Variants in ERC1 observed in about 807,000 individuals in gnomAD.
ERC1 encodes the protein ELKS/RAB6-interacting/CAST family member 1, also known as RAB6 interacting protein 2.
In ERC1, 56 loss-of-function variants were observed where a neutral mutation model predicts 132.0. The ratio of observed to expected loss-of-function variants is 0.42; its 90% CI spans 0.34 to 0.53. The LOEUF (loss-of-function observed/expected upper bound fraction) is 0.53. Among genes scored for constraint, ERC1 ranks in the 20% least tolerant of loss-of-function variants. The pLI, the probability that ERC1 is intolerant of heterozygous loss-of-function variation, is 0.03. For missense variants in ERC1, 1,202 were observed against 1,349.9 expected, an observed-to-expected ratio of 0.89 and a Z score of 1.72; for synonymous variants, 478 against 476.1, an observed-to-expected ratio of 1.00 and a Z score of -0.05.
intron 15 of ERC1, among the ~76,000 whole-genome samples, chr12:1,305,080 T>C (rs1279810578): frequency 6.6e-6 from 1 of 152,108 alleles, no homozygotes; most frequent in East Asian, 1.9e-4. Flanking sequence ...GCTCCCGGCC[T>C]GTTTGTTGTA....
chr12:1,414,174 A>G (rs2091992102), intron 17 of ERC1, among the ~76,000 whole-genome samples: 1 of 152,220 alleles, frequency 6.6e-6, no homozygotes, highest in Non-Finnish European at 1.5e-5. Context: ...GGCCACGGAC[A>G]GGTGCTGGTT....
At chr12:1,371,803 G>A in intron 15 of ERC1, 30 bp from the exon 16 acceptor site, 2 of 1,606,852 alleles carry the variant, frequency 1.2e-6, no homozygotes, top group Non-Finnish European at 1.7e-6. Context: ...AGGGGTGAAT[G>A]GCGCTGTTGG....
At chr12:1,414,831 T>A (rs928281390) in intron 17 of ERC1, among the ~76,000 whole-genome samples, 2 of 152,126 alleles carry the variant, frequency 1.3e-5, no homozygotes, top group Non-Finnish European at 1.5e-5. Context: ...TAGTAGGTCC[T>A]CAGTAAATAT....
chr12:1,345,445 A>G (rs2084363722), intron 15 of ERC1, among the ~76,000 whole-genome samples: 1 of 152,098 alleles, frequency 6.6e-6, no homozygotes, highest in Admixed American at 6.5e-5. Context: ...GGCCTCCCAA[A>G]GTGCTGGGAT....
intron 17 of ERC1, among the ~76,000 whole-genome samples, chr12:1,439,547 A>G (rs530789166): frequency 6.6e-6 from 1 of 152,348 alleles, no homozygotes; most frequent in African/African-American, 2.4e-5. Flanking sequence ...AATTTTGTAA[A>G]TGTAGCATTG....
chr12:1,479,886 T>C (rs2094052638), intron 18 of ERC1, among the ~76,000 whole-genome samples: 1 of 152,126 alleles, frequency 6.6e-6, no homozygotes, highest in Non-Finnish European at 1.5e-5. Context: ...TCGTGAGCCG[T>C]GCCCTTTGCA....
intron 12 of ERC1, among the ~76,000 whole-genome samples, chr12:1,228,004 T>C (rs1440076991): frequency 6.6e-6 from 1 of 152,208 alleles, no homozygotes; most frequent in Non-Finnish European, 1.5e-5. Context: ...TCTGTTCCAT[T>C]GGTATAGATG....
Position 1,139,881 on chromosome 12 carries a change from A to C in ERC1, c.1570-1739A>C, listed in dbSNP as rs140256378. On this transcript the variant is annotated intron_variant, in intron 7 of 18. Transcript: ENST00000360905. ...GTAGGTGTAGGAGGAAGAAAAGAAC[A>C]GTATTTGTGATTCAGAAAAAAAAAT... 4.8e-3 allele frequency among the ~76,000 whole-genome samples: 736 copies of C among 152,278 alleles called. 2 individuals are homozygous for C. Among genetic ancestry groups the C allele is most frequent in the Middle Eastern group, 6.8e-3 (2 of 294 alleles).
Position 1,190,003 on chromosome 12 carries a change from G to A in ERC1, c.2302G>A (p.Val768Met), listed in dbSNP as rs998691557. The change falls in exon 12 of 19, where the codon GTG becomes ATG. Residue 768 changes from valine to methionine, a missense_variant. By Grantham distance (21) the Val-to-Met change is conservative. Coordinates refer to ENST00000360905, the MANE Select transcript of ERC1 (RefSeq NM_178040.4). ...TCGACTCTTAGAAATCTTGAAGGAGGTGGAAAATGAGAAGAATGACAAAGA... is the reference window on the plus strand; with the variant it reads ...TCGACTCTTAGAAATCTTGAAGGAGATGGAAAATGAGAAGAATGACAAAGA... The part of the protein sequence containing the change: ...VDRLLEILKE[V>M]ENEKNDKDKK... The A allele has an allele frequency of 1.9e-6, 3 of 1,614,050 alleles. No homozygotes were observed. Among genetic ancestry groups the A allele is most frequent in the Admixed American group, 3.3e-5 (2 of 59,996 alleles).
intron 8 of ERC1, among the ~76,000 whole-genome samples, chr12:1,178,022 C>A (rs1015876910): frequency 6.6e-6 from 1 of 152,190 alleles, no homozygotes; most frequent in Non-Finnish European, 1.5e-5. Flanking sequence ...TCAGTTCTTA[C>A]AATAGGCTTT....
chr12:1,337,513 T>A (rs983051120), intron 15 of ERC1, among the ~76,000 whole-genome samples: 1 of 152,160 alleles, frequency 6.6e-6, no homozygotes, highest in African/African-American at 2.4e-5. Flanking sequence ...TTGGTGCCTT[T>A]TAATAGGGGT....
intron 17 of ERC1, among the ~76,000 whole-genome samples, chr12:1,442,593 G>A (rs2093188082): frequency 6.6e-6 from 1 of 152,090 alleles, no homozygotes; most frequent in Non-Finnish European, 1.5e-5. Flanking sequence ...TACTGTATAG[G>A]CCTAAACTGA....
chr12:1,481,046 T>C, intron 18 of ERC1: 1 of 580,720 alleles, frequency 1.7e-6, no homozygotes, highest in Non-Finnish European at 3.1e-6. Flanking sequence ...AAGTCTAGTT[T>C]ATAAATTAGG....
At chr12:1,419,336 A>G (rs2092328918) in intron 17 of ERC1, among the ~76,000 whole-genome samples, 1 of 151,998 alleles carries the variant, frequency 6.6e-6, no homozygotes, top group South Asian at 2.1e-4. Context: ...TATACTACAA[A>G]TGTACTTTTT....
At chr12:1,151,999 G>T (rs184446436) in intron 8 of ERC1, 51 of 152,368 alleles carry the variant, frequency 3.3e-4, no homozygotes, top group African/African-American at 1.1e-3. Context: ...AGGAGTTCGA[G>T]ACCAGCGTGG....
chr12:1,493,960 A>G lies in ERC1; in HGVS notation c.*3730A>G, dbSNP rs1394352473. 1 of 232,290 alleles carries G rather than the reference A, an allele frequency of 4.3e-6. No homozygotes were observed. Among genetic ancestry groups the G allele is most frequent in the East Asian group, 6.1e-5 (1 of 16,472 alleles). The allele number at this position is 232,290 out of a possible 1,614,324, so 14.4% of individuals were successfully genotyped here. ...AAATATAAATGTTTCTGAGCCGCCC[A>G]TCCACTGGCATTTGGATTTGCTGCC... On this transcript the variant is annotated 3_prime_UTR_variant, in exon 19 of 19. Transcript: ENST00000360905.
chr12:1,271,431 T>C (rs550147067), intron 14 of ERC1, among the ~76,000 whole-genome samples: 2 of 152,232 alleles, frequency 1.3e-5, no homozygotes, highest in African/African-American at 4.8e-5. Flanking sequence ...ACTGGGAGAA[T>C]AGTGGTATAA....
At chr12:1,096,027 G>A (rs1445353531) in intron 3 of ERC1, among the ~76,000 whole-genome samples, 1 of 151,330 alleles carries the variant, frequency 6.6e-6, no homozygotes, top group Non-Finnish European at 1.5e-5. Flanking sequence ...CCAGGCTCAA[G>A]CAGTCCTCCT....
At chr12:1,129,142 C>A (rs144826197) in intron 7 of ERC1, among the ~76,000 whole-genome samples, 16 of 152,224 alleles carry the variant, frequency 1.1e-4, no homozygotes, top group Non-Finnish European at 1.9e-4. Flanking sequence ...AATATCTACA[C>A]CTACATACAG....
Sources: gnomAD v4.1 joint callset for allele counts (sites outside exome capture counted in the v4.1 genomes callset) on GRCh38, gnomAD v4.1.1 for gene constraint, MANE v1.5 for transcripts, NCBI Gene and HGNC (gene_info 2026-07-23, HGNC 2026-07-21) for gene names.